Variants in EYA3 observed in about 807,000 individuals in gnomAD.
The protein encoded by EYA3 is protein phosphatase EYA3.
In EYA3, 39 loss-of-function variants were observed where a neutral mutation model predicts 80.0. That is an observed-to-expected ratio of 0.49 (90% CI 0.38 to 0.64). The LOEUF (loss-of-function observed/expected upper bound fraction) is 0.64. EYA3 is among the 30% of genes least tolerant of loss of function. The probability of loss-of-function intolerance (pLI) is 0.00; values close to 1 mark genes in which losing one functional copy is unlikely to be tolerated. For missense variants in EYA3, 523 were observed against 676.1 expected (o/e 0.77, Z 2.51); for synonymous variants, 206 against 232.8 (o/e 0.88, Z 1.05).
At chr1:28,002,659 A>G (rs993296027) in intron 11 of EYA3, among the ~76,000 whole-genome samples, 1 of 151,928 alleles carries the variant, frequency 6.6e-6, no homozygotes, top group African/African-American at 2.4e-5. Flanking sequence ...AAAATAAAAC[A>G]AAATTAGCCG....
chr1:27,974,214 C>A lies in EYA3; in HGVS notation c.*252G>T. 3 of 280,322 alleles carry A rather than the reference C, an allele frequency of 1.1e-5. No individual in the cohort carries two copies. Among genetic ancestry groups the A allele is most frequent in the African/African-American group, 2.2e-5 (1 of 46,036 alleles). 17.4% of individuals were successfully genotyped at this position (280,322 alleles called of 1,614,324 possible). On this transcript the variant is annotated 3_prime_UTR_variant, in exon 18 of 18. Coordinates refer to ENST00000373871, the MANE Select transcript of EYA3 (RefSeq NM_001990.4). ...AGCTCACTCTTAGCAAAAATTGCAGCTGTTGGTTCTGATTGTGTTCTCGCC... is the reference window on the plus strand; with the variant it reads ...AGCTCACTCTTAGCAAAAATTGCAGATGTTGGTTCTGATTGTGTTCTCGCC...
intron 17 of EYA3, among the ~76,000 whole-genome samples, chr1:27,977,586 C>G (rs1639005239): frequency 6.6e-6 from 1 of 151,348 alleles, no homozygotes; most frequent in African/African-American, 2.4e-5. Flanking sequence ...CGTGGTGGCT[C>G]AAACCTGTAA....
intron 1 of EYA3, among the ~76,000 whole-genome samples, chr1:28,068,308 G>C (rs1219567905): frequency 2.7e-5 from 4 of 150,012 alleles, no homozygotes; most frequent in Non-Finnish European, 5.9e-5. Context: ...CTCCAGCCTG[G>C]GCAACAAGAG....
Position 28,032,610 on chromosome 1 carries a change from A to G in EYA3, c.361+2934T>C, listed in dbSNP as rs1244318807. On this transcript the variant is annotated intron_variant, in intron 6 of 17. Transcript: ENST00000373871. The stretch of plus-strand genomic sequence containing the variant: ...GGCATATTTTATAACTCCCACTAAC[A>G]TTAAACAAGTACCCTTTTCCTTACA... Among the ~76,000 whole-genome samples, 7 of 152,330 alleles carry G rather than the reference A, an allele frequency of 4.6e-5. No individual in the cohort carries two copies. In the East Asian group the frequency reaches 1.3e-3, roughly 29 times the overall value.
At position 28,013,708 on chromosome 1, in the gene EYA3, A is replaced by C. The variant is rs982870368; in HGVS notation, c.586-414T>G. 6.6e-6 allele frequency among the ~76,000 whole-genome samples: 1 copy of C among 152,242 alleles called. No homozygotes were observed. On this transcript the variant is annotated intron_variant, in intron 8 of 17. Coordinates refer to ENST00000373871, the MANE Select transcript of EYA3 (RefSeq NM_001990.4). The surrounding 1 kb of genome is among the most constrained non-coding windows in gnomAD (Gnocchi z 4.0). ...ATAGCACTTCTAAGGACAACAAAAC[A>C]AAACTTAAACTTAAGCAAACAAAAA...
At chr1:28,006,934 C>CTTTTTTTTT (rs58401673) in intron 10 of EYA3, among the ~76,000 whole-genome samples, 61 of 91,998 alleles carry the variant, frequency 6.6e-4, no homozygotes, top group African/African-American at 2.5e-3. Context: ...ATGACATAAT[C>CTTTTTTTTT]TTTTTTTTTT....
At chr1:28,068,328 C>G (rs375339643) in intron 1 of EYA3, among the ~76,000 whole-genome samples, 8 of 142,126 alleles carry the variant, frequency 5.6e-5, no homozygotes, top group African/African-American at 2.1e-4. Flanking sequence ...GTTAAGACTC[C>G]CATCTCAAAA....
chr1:28,081,917 C>G (rs1286793689), intron 1 of EYA3, among the ~76,000 whole-genome samples: 1 of 152,048 alleles, frequency 6.6e-6, no homozygotes, highest in Non-Finnish European at 1.5e-5. Context: ...ACCCACATTG[C>G]TTTGAATGTG....
In EYA3 at chr1:28,009,140, C is replaced by T. The variant is rs1369724895; in HGVS notation, c.909+1807G>A. On this transcript the variant is annotated intron_variant, in intron 10 of 17. Coordinates refer to ENST00000373871, the MANE Select transcript of EYA3 (RefSeq NM_001990.4). This position sits in a 1 kb window ranked among gnomAD's most constrained non-coding sequence, Gnocchi z 4.8. ...ATAGCATCCAGCAATTCCACTCCTA[C>T]ATATATACCAAAAAGAATTGATAAG... Among the ~76,000 whole-genome samples the T allele has an allele frequency of 6.6e-6, 1 of 152,094 alleles. No individual in the cohort carries two copies. Among genetic ancestry groups the T allele is most frequent in the Non-Finnish European group, 1.5e-5 (1 of 68,014 alleles).
At chr1:27,994,327 C>T (rs1027462952) in intron 13 of EYA3, among the ~76,000 whole-genome samples, 1 of 152,180 alleles carries the variant, frequency 6.6e-6, no homozygotes, top group Non-Finnish European at 1.5e-5. Flanking sequence ...GAAGCACATT[C>T]TCCAGCTCCA....
rs1261899264 is a variant in EYA3 at position 28,009,298 on chromosome 1, T to C, written c.909+1649A>G. Among the ~76,000 whole-genome samples, 2 of 152,102 alleles carry C rather than the reference T, an allele frequency of 1.3e-5. No homozygotes were observed. The highest frequency in any genetic ancestry group is 2.9e-5 in the Non-Finnish European group (2 of 68,018). ...AATGTGGTATATACATATAATAAAA[T>C]ATTCAGACATAAAAAGGAATGAAAT... On this transcript the variant is annotated intron_variant, in intron 10 of 17. Transcript: ENST00000373871. This position sits in a 1 kb window ranked among gnomAD's most constrained non-coding sequence, Gnocchi z 4.8.
chr1:27,991,592 G>C (rs1349105164), intron 14 of EYA3, among the ~76,000 whole-genome samples: 1 of 152,134 alleles, frequency 6.6e-6, no homozygotes, highest in Non-Finnish European at 1.5e-5. Flanking sequence ...TTGTGAGGAG[G>C]AGAACTGGAG....
At chr1:27,987,492 A>G (rs1639748953) in intron 16 of EYA3, among the ~76,000 whole-genome samples, 1 of 152,248 alleles carries the variant, frequency 6.6e-6, no homozygotes, top group South Asian at 2.1e-4. Flanking sequence ...CCTGAGACCC[A>G]ATTCTCTCAG....
chr1:28,006,934 CT>C (rs58401673), intron 10 of EYA3, among the ~76,000 whole-genome samples: 4,983 of 91,910 alleles, frequency 0.054, 117 homozygotes, highest in East Asian at 0.19. Flanking sequence ...ATGACATAAT[CT>C]TTTTTTTTTT....
rs537582855 is a variant in EYA3 at position 28,050,373 on chromosome 1, T to C, written c.34-1947A>G. 3.3e-5 allele frequency among the ~76,000 whole-genome samples: 5 copies of C among 151,830 alleles called. No homozygotes were observed. In the South Asian group the frequency reaches 1.0e-3, roughly 32 times the overall value. ...ATGCCCAGCTAATTTTGCTATTTTTTCTATTTTTAGGAGAGACCGGGTTTC... is the reference window on the plus strand; with the variant it reads ...ATGCCCAGCTAATTTTGCTATTTTTCCTATTTTTAGGAGAGACCGGGTTTC... On this transcript the variant is annotated intron_variant, in intron 2 of 17. Transcript: ENST00000373871.
chr1:28,030,499 C>T (rs1159881085), intron 6 of EYA3, among the ~76,000 whole-genome samples: 1 of 152,122 alleles, frequency 6.6e-6, no homozygotes, highest in Non-Finnish European at 1.5e-5. Flanking sequence ...ATTGCCTAGG[C>T]TGGTTTCAAA....
chr1:28,050,707 T>C (rs180845535), intron 2 of EYA3, among the ~76,000 whole-genome samples: 33 of 152,246 alleles, frequency 2.2e-4, no homozygotes, highest in African/African-American at 7.9e-4. Context: ...TTTAACCTCA[T>C]ATGGCCCATT....
At chr1:28,027,663 C>A in intron 7 of EYA3, 126 bp downstream of exon 7, 2 of 1,209,976 alleles carry the variant, frequency 1.7e-6, no homozygotes, top group Non-Finnish European at 2.3e-6. Flanking sequence ...CAAGTATCAC[C>A]CCCTTTCTAC....
At chr1:28,002,115 A>G (rs1213266292) in intron 11 of EYA3, among the ~76,000 whole-genome samples, 1 of 151,670 alleles carries the variant, frequency 6.6e-6, no homozygotes, top group Non-Finnish European at 1.5e-5. Flanking sequence ...GGGTTTCTCC[A>G]TGTTGGTCAG....
Sources: allele counts gnomAD v4.1 joint callset (sites outside exome capture counted in the v4.1 genomes callset), GRCh38; gene constraint gnomAD v4.1.1; non-coding constraint Gnocchi (gnomAD v3.1); transcripts MANE v1.5; gene names NCBI Gene and HGNC (gene_info 2026-07-23, HGNC 2026-07-21).